The following TUSC3 variants were observed in gnomAD, a reference collection of about 807,000 sequenced individuals.
TUSC3 encodes the protein dolichyl-diphosphooligosaccharide--protein glycosyltransferase subunit TUSC3.
Under a neutral mutation model 44.8 loss-of-function variants are expected in TUSC3, and 45 were observed. The ratio of observed to expected loss-of-function variants is 1.00; its 90% confidence interval spans 0.79 to 1.29. The LOEUF is 1.29. Among genes scored for constraint, TUSC3 ranks in the 50% most tolerant of loss-of-function variants. TUSC3 has a pLI of 0.00. For synonymous variants in TUSC3, 212 were observed against 152.9 expected (o/e 1.39, Z -2.85); for missense variants, 519 against 437.9 (o/e 1.19, Z -1.65).
chr8:15,605,408 AT>A (rs2129156380), intron 1 of TUSC3, among the ~76,000 whole-genome samples: 1 of 152,120 alleles, frequency 6.6e-6, no homozygotes, highest in East Asian at 1.9e-4. Context: ...TAAAGTAAAA[AT>A]AAACATAACC....
Position 15,689,246 on chromosome 8 carries a change from G to C in TUSC3, c.798+15410G>C. On this transcript the variant is annotated intron_variant, in intron 6 of 10. Coordinates refer to ENST00000503731, the MANE Select transcript of TUSC3 (RefSeq NM_006765.4). ...TGCATCTGCATATATTTTCAGGCTG[G>C]ATGGGAATCGATCCACTTGTGAAAT... 2 of 352,830 alleles carry C rather than the reference G, an allele frequency of 5.7e-6. 1 individual carries two copies. The highest frequency in any genetic ancestry group is 5.1e-5 in the South Asian group (2 of 39,432). 21.9% of individuals were successfully genotyped at this position (352,830 alleles called of 1,614,324 possible).
intron 6 of TUSC3, among the ~76,000 whole-genome samples, chr8:15,710,409 A>G (rs1473274776): frequency 2.0e-5 from 3 of 151,794 alleles, no homozygotes; most frequent in Non-Finnish European, 4.4e-5. Context: ...AGCCTAGATG[A>G]AATAAAGAGT....
At chr8:15,699,763 G>A (rs894466558) in intron 6 of TUSC3, among the ~76,000 whole-genome samples, 5 of 152,028 alleles carry the variant, frequency 3.3e-5, no homozygotes, top group African/African-American at 9.7e-5. Flanking sequence ...TTTTTTAAGC[G>A]TTGTACAGGA....
chr8:15,436,573 C>T (rs908221414), intron 1 of TUSC3, among the ~76,000 whole-genome samples: 1 of 152,020 alleles, frequency 6.6e-6, no homozygotes, highest in Non-Finnish European at 1.5e-5. Flanking sequence ...TCATATAAAC[C>T]GTATGGAGTA....
chr8:15,700,867 T>C (rs1029500146), intron 6 of TUSC3, among the ~76,000 whole-genome samples: 3 of 119,638 alleles, frequency 2.5e-5, no homozygotes, highest in African/African-American at 8.5e-5. Flanking sequence ...TTTTTTTTTT[T>C]GCTTTGCCTG....
chr8:15,626,623 C>T (rs898937620), intron 2 of TUSC3, among the ~76,000 whole-genome samples: 1 of 152,206 alleles, frequency 6.6e-6, no homozygotes, highest in Admixed American at 6.5e-5. Flanking sequence ...GAAGGCCCCC[C>T]TTACCCCTGC....
Position 15,427,351 on chromosome 8 carries a change from G to C in TUSC3, n.91+10046G>C, listed in dbSNP as rs1361707142. 2.0e-5 allele frequency among the ~76,000 whole-genome samples: 3 copies of C among 151,850 alleles called. No individual in the cohort carries two copies. The South Asian group carries it at 6.2e-4, about 32-fold the overall frequency. ...ACCAGGAGTGTCAGGCAGCCATCAG[G>C]TGATGGACAAGCAGCTGTTAACTGC... On this transcript the variant is annotated intron_variant and non_coding_transcript_variant, in intron 1 of 5. Transcript: ENST00000503191.
chr8:15,850,898 G>T, the TUSC3 span, among the ~76,000 whole-genome samples: 1 of 152,132 alleles, frequency 6.6e-6, no homozygotes, highest in Admixed American at 6.6e-5. Context: ...CCTGTTCTCT[G>T]TGTCTCTATT....
chr8:15,655,715 A>G (rs1807131188), intron 3 of TUSC3, among the ~76,000 whole-genome samples: 1 of 152,302 alleles, frequency 6.6e-6, no homozygotes, highest in South Asian at 2.1e-4. Context: ...AAGTTGCTGC[A>G]GACCTCCAGG....
At chr8:15,663,394 G>C (rs1356394716) in intron 5 of TUSC3, among the ~76,000 whole-genome samples, 1 of 151,668 alleles carries the variant, frequency 6.6e-6, no homozygotes, top group African/African-American at 2.4e-5. Flanking sequence ...TTGTCAGTTT[G>C]TTTCTTTTGC....
chr8:15,631,231 T>C (rs1283082054), intron 2 of TUSC3, among the ~76,000 whole-genome samples: 1 of 152,174 alleles, frequency 6.6e-6, no homozygotes, highest in Non-Finnish European at 1.5e-5. Flanking sequence ...CTATGTAGTT[T>C]AATTTTCTTA....
intron 1 of TUSC3, among the ~76,000 whole-genome samples, chr8:15,455,432 C>A (rs879791159): frequency 6.6e-6 from 1 of 151,824 alleles, no homozygotes; most frequent in East Asian, 1.9e-4. Context: ...TATGTATACA[C>A]GTATATGTAT....
intron 1 of TUSC3, among the ~76,000 whole-genome samples, chr8:15,546,921 T>G (rs1801890227): frequency 6.6e-6 from 1 of 151,686 alleles, no homozygotes; most frequent in Non-Finnish European, 1.5e-5. Context: ...CTATTTCTTT[T>G]TAATGTTGGA....
At chr8:15,788,540 C>G in the TUSC3 span, among the ~76,000 whole-genome samples, 10 of 126,274 alleles carry the variant, frequency 7.9e-5, no homozygotes, top group African/African-American at 3.0e-4. Context: ...GAGTGAGACT[C>G]TATCTCAAAA....
the TUSC3 span, among the ~76,000 whole-genome samples, chr8:15,774,137 G>C: frequency 6.6e-6 from 1 of 152,122 alleles, no homozygotes; most frequent in Non-Finnish European, 1.5e-5. Flanking sequence ...TCATATATCT[G>C]ATAAGGACCT....
At position 15,448,117 on chromosome 8, in the gene TUSC3, A is replaced by ATATATATATATATATATATATTTATT. The variant is rs1276079521; in HGVS notation, n.91+30815_91+30816insATATATATATATATATATTTATTTAT. 1.9e-3 allele frequency among the ~76,000 whole-genome samples: 178 copies of ATATATATATATATATATATATTTATT among 93,754 alleles called. 5 individuals carry two copies. The highest frequency in any genetic ancestry group is 9.6e-3 in the South Asian group (24 of 2,498). 61.5% of individuals were successfully genotyped at this position (93,754 alleles called of 152,430 possible). On this transcript the variant is annotated intron_variant and non_coding_transcript_variant, in intron 1 of 5. Coordinates refer to the TUSC3 transcript ENST00000503191. The stretch of plus-strand genomic sequence containing the variant: ...TATGGTAGTGTATATACATATATAT[A>ATATATATATATATATATATATTTATT]TATTTATTTATTTATTTTTTAGATG...
At chr8:15,460,135 C>G (rs1385754448) in intron 1 of TUSC3, among the ~76,000 whole-genome samples, 1 of 152,142 alleles carries the variant, frequency 6.6e-6, no homozygotes, top group Non-Finnish European at 1.5e-5. Flanking sequence ...AGTGGCTGTA[C>G]TAGTTTACAT....
At chr8:15,465,612 C>T (rs77742381) in intron 1 of TUSC3, among the ~76,000 whole-genome samples, 7,769 of 152,196 alleles carry the variant, frequency 0.051, 272 homozygotes, top group South Asian at 0.11. Context: ...TACTATTTCC[C>T]ATACTGAATT....
At chr8:15,538,732 T>A (rs1333196151), upstream of TUSC3, among the ~76,000 whole-genome samples, 1 of 152,212 alleles carries the variant, frequency 6.6e-6, no homozygotes, top group Non-Finnish European at 1.5e-5. Flanking sequence ...AGTAGTATTA[T>A]CAGTACCTAC....
Sources: gnomAD v4.1 joint callset for allele counts (sites outside exome capture counted in the v4.1 genomes callset) on GRCh38, gnomAD v4.1.1 for gene constraint, MANE v1.5 for transcripts, NCBI Gene and HGNC (gene_info 2026-07-23, HGNC 2026-07-21) for gene names.